The following ADGRG4 variants were observed in gnomAD, a reference collection of about 807,000 sequenced individuals.
ADGRG4 encodes the protein adhesion G protein-coupled receptor G4.
ADGRG4 carries 122 observed loss-of-function variants against 126.2 expected under a neutral mutation model. That is an observed-to-expected ratio of 0.97 (90% CI 0.83 to 1.12). The LOEUF is 1.12. ADGRG4 is among the 50% of genes most tolerant of loss of function. ADGRG4 has a pLI of 0.00. For missense variants in ADGRG4, 2,481 were observed against 2,251.8 expected, an observed-to-expected ratio of 1.10 and a Z score of -2.06; for synonymous variants, 943 against 838.7, an observed-to-expected ratio of 1.12 and a Z score of -2.15.
In ADGRG4 at chrX:136,387,826, C is replaced by T; in HGVS notation, c.7863C>T (p.Asn2621=). The T allele has an allele frequency of 8.3e-7, 1 of 1,208,096 alleles. No individual in the cohort carries two copies. The highest frequency in any genetic ancestry group is 1.1e-6 in the Non-Finnish European group (1 of 892,556). ...KSLTERIPLS[N]LQTILFNFFG... is the part of the protein sequence containing the mutation. ...TGACGGAGAGAATTCCTCTTAGCAA[C>T]TTACAAACGATCTTGTTTAATTTCT... The change falls in exon 16 of 26, where the codon AAC becomes AAT. Residue 2621 remains asparagine (N), a synonymous_variant. Transcript: ENST00000394143.
intron 5 of ADGRG4, among the ~76,000 whole-genome samples, chrX:136,332,615 C>T (rs1490905753): frequency 2.7e-5 from 3 of 110,864 alleles, no homozygotes; most frequent in Non-Finnish European, 5.7e-5. Flanking sequence ...AGTTTACAGT[C>T]CCACCAACAG....
At position 136,414,335 on chromosome X, in the gene ADGRG4, A is replaced by G. The variant is rs1301180029; in HGVS notation, c.9205+8A>G. 5.1e-6 allele frequency: 6 copies of G among 1,174,897 alleles called. No individual in the cohort carries two copies. In the Admixed American group the frequency reaches 9.4e-5, roughly 18 times the overall value. ...AAATAAGCTTTCCAAATGGTAAGAA[A>G]AAAAGGCTGTGTTGTCTACATTTAT... On this transcript the variant is annotated splice_region_variant and intron_variant, in intron 25 of 25. Coordinates refer to ENST00000394143, the MANE Select transcript of ADGRG4 (RefSeq NM_153834.4).
At chrX:136,320,480 C>CA (rs1275190696) in intron 4 of ADGRG4, among the ~76,000 whole-genome samples, 4 of 112,260 alleles carry the variant, frequency 3.6e-5, no homozygotes, top group African/African-American at 1.3e-4. Flanking sequence ...TTCTATCAAC[C>CA]AAGTAGGCAA....
intron 5 of ADGRG4, 111 bp downstream of exon 5, chrX:136,323,503 A>G: frequency 3.3e-6 from 2 of 613,303 alleles, no homozygotes; most frequent in Non-Finnish European, 2.5e-6. Flanking sequence ...AATGAGGAGC[A>G]CATACTGTTT....
intron 20 of ADGRG4, 23 bp from the exon 21 acceptor site, chrX:136,399,825 C>T: frequency 8.7e-7 from 1 of 1,148,337 alleles, no homozygotes; most frequent in Non-Finnish European, 1.2e-6. Context: ...CTTTACCTAA[C>T]AACATTGTAC....
chrX:136,309,218 A>G (rs745590575), intron 4 of ADGRG4, among the ~76,000 whole-genome samples: 12 of 112,561 alleles, frequency 1.1e-4, no homozygotes, highest in African/African-American at 3.2e-4. Context: ...GCATTGTGAT[A>G]TCATCTTTCT....
Position 136,405,905 on chromosome X carries a change from AT to A in ADGRG4, c.8874del (p.Phe2958LeufsTer6), listed in dbSNP as rs771931957. 1 of 1,181,068 alleles carries A rather than the reference AT, an allele frequency of 8.5e-7. No individual in the cohort carries two copies. The highest frequency in any genetic ancestry group is 1.9e-5 in the South Asian group (1 of 51,802). On this transcript the variant is annotated frameshift_variant, in exon 23 of 26. Transcript: ENST00000394143. LOFTEE classifies it high-confidence loss of function. ...TACTTGGCCTCACCTGGGGGTTTGC[AT>A]TTTTTGCTTGGGGACCCATGAGGAA... ...FLLGLTWGFA[F>X]FAWGPMRNFF...
intron 18 of ADGRG4, among the ~76,000 whole-genome samples, chrX:136,394,364 G>A (rs774442801): frequency 3.6e-5 from 4 of 112,033 alleles, no homozygotes; most frequent in East Asian, 2.8e-4. Context: ...CCCTAAGAAC[G>A]CCAGGAGTGG....
At chrX:136,351,959 T>C (rs1195806361) in intron 7 of ADGRG4, among the ~76,000 whole-genome samples, 1 of 111,301 alleles carries the variant, frequency 9.0e-6, no homozygotes, top group African/African-American at 3.3e-5. Context: ...CAATGAATGT[T>C]TTACTTATCC....
At position 136,350,296 on chromosome X, in the gene ADGRG4, C is replaced by A. The variant is rs2075053132; in HGVS notation, c.6590C>A (p.Ser2197Tyr). 8.3e-7 allele frequency: 1 copy of A among 1,210,697 alleles called. No individual in the cohort carries two copies. Among genetic ancestry groups the A allele is most frequent in the Admixed American group, 2.2e-5 (1 of 45,983 alleles). Residue 2197 changes from serine (S) to tyrosine (Y), a missense_variant, in exon 6 of 26, where the codon TCC (serine) becomes TAC (tyrosine). Physicochemically the swap from Ser to Tyr is moderately radical, Grantham distance 144. Transcript: ENST00000394143. ...TVPGASFPLI[S>Y]TGVTYPFTAT... The stretch of plus-strand genomic sequence containing the variant: ...CCTGGAGCCTCATTTCCACTCATAT[C>A]CACTGGGGTGACATATCCTTTTACA...
intron 5 of ADGRG4, among the ~76,000 whole-genome samples, chrX:136,324,129 G>T (rs924520394): frequency 9.0e-6 from 1 of 111,333 alleles, no homozygotes; most frequent in African/African-American, 3.3e-5. Flanking sequence ...TAATAACTTT[G>T]ATCACTTGAT....
In ADGRG4 at chrX:136,344,809, C is replaced by G. The variant is rs5930931; in HGVS notation, c.1103C>G (p.Pro368Arg). 5.0e-6 allele frequency: 6 copies of G among 1,207,350 alleles called. No individual in the cohort carries two copies. The South Asian group carries it at 8.8e-5, about 18-fold the overall frequency. ...EAMATEIFQPPTPSNFLSTSR... is the reference protein window; with the variant it reads ...EAMATEIFQPRTPSNFLSTSR... ...ATGGCTACTGAAATCTTTCAACCACCTACACCTTCTAATTTCCTATCCACA... is the reference window on the plus strand; with the variant it reads ...ATGGCTACTGAAATCTTTCAACCACGTACACCTTCTAATTTCCTATCCACA... The change falls in exon 6 of 26, where the codon CCT becomes CGT. Residue 368 changes from proline (P) to arginine (R), a missense_variant. Pro to Arg is a moderately radical substitution (Grantham distance 103). Transcript: ENST00000394143.
intron 15 of ADGRG4, among the ~76,000 whole-genome samples, chrX:136,384,792 A>T (rs1020201029): frequency 9.0e-6 from 1 of 111,112 alleles, no homozygotes; most frequent in African/African-American, 3.3e-5. Context: ...ATCAGTAATC[A>T]TTTGAGTTCT....
chrX:136,356,203 TC>T, intron 9 of ADGRG4, 38 bp downstream of exon 9: 2 of 973,449 alleles, frequency 2.1e-6, no homozygotes, highest in East Asian at 3.1e-5. Flanking sequence ...TTGTGACCTA[TC>T]CTATGCCTGA....
At chrX:136,336,468 T>C (rs1039256067) in intron 5 of ADGRG4, among the ~76,000 whole-genome samples, 2 of 111,580 alleles carry the variant, frequency 1.8e-5, no homozygotes, top group Non-Finnish European at 3.8e-5. Flanking sequence ...TAATTATGGA[T>C]TTACTATTTT....
At chrX:136,320,305 G>C (rs1263637267) in intron 4 of ADGRG4, among the ~76,000 whole-genome samples, 1 of 112,134 alleles carries the variant, frequency 8.9e-6, no homozygotes, top group African/African-American at 3.2e-5. Context: ...AAATGAAATT[G>C]CTGGGTCAAA....
Position 136,395,411 on chromosome X carries a change from C to T in ADGRG4, c.8102C>T (p.Ser2701Leu), listed in dbSNP as rs137972430. 830 of 1,197,586 alleles carry T rather than the reference C, an allele frequency of 6.9e-4. 3 individuals carry two copies. In the African/African-American group the frequency reaches 0.011, roughly 16 times the overall value. ...ENNNGLGGWN[S>L]SGCKVKETNV... ...ACAGATGGGCTGGGTGGATGGAATT[C>T]GTCAGGCTGTAAAGTAAAGGAAACA... The change falls in exon 19 of 26, where the codon TCG (serine) becomes TTG (leucine). Residue 2701 changes from serine (S) to leucine (L), a missense_variant. By Grantham distance (145) the Ser-to-Leu change is moderately radical. Coordinates refer to ENST00000394143, the MANE Select transcript of ADGRG4 (RefSeq NM_153834.4).
intron 3 of ADGRG4, chrX:136,305,955 G>A (rs1055569640): frequency 1.3e-4 from 14 of 111,528 alleles, no homozygotes; most frequent in African/African-American, 4.6e-4. Context: ...GCTACAAGCC[G>A]CAAAAAGAGG....
chrX:136,359,261 A>G (rs1410472916), intron 10 of ADGRG4, 31 bp from the exon 11 acceptor site: 2 of 1,174,851 alleles, frequency 1.7e-6, no homozygotes, highest in Non-Finnish European at 2.3e-6. Flanking sequence ...ACATAACTGC[A>G]ACAATCTTTC....
Sources: gnomAD v4.1 joint callset for allele counts (sites outside exome capture counted in the v4.1 genomes callset) on GRCh38, gnomAD v4.1.1 for gene constraint, MANE v1.5 for transcripts, NCBI Gene and HGNC (gene_info 2026-07-23, HGNC 2026-07-21) for gene names.